CIMAP2: variants seen among roughly 807,000 people sequenced by gnomAD.
CIMAP2 encodes the protein ciliary microtubule associated protein 2.
At chr1:54,806,069 C>T in the CIMAP2 span, 2 of 1,475,478 alleles carry the variant, frequency 1.4e-6, no homozygotes, top group East Asian at 2.7e-5. Context: ...CATCACAAGG[C>T]CCGGGTTGCC....
the CIMAP2 span, chr1:54,811,765 G>GCCGGGGGGGGGGGCCCCCCCCCCCCCCC: frequency 6.9e-6 from 9 of 1,301,314 alleles, no homozygotes; most frequent in Non-Finnish European, 6.5e-6. Context: ...GGTTCTGACA[G>GCCGGGGGGGGGGGCCCCCCCCCCCCCCC]CCTCCATGCC....
chr1:54,819,824 C>CTTTTTCTTTCTTTCTTTCTTTCTTTCTT, the CIMAP2 span, among the ~76,000 whole-genome samples: 18 of 100,208 alleles, frequency 1.8e-4, no homozygotes, highest in East Asian at 4.6e-3. Flanking sequence ...TTCTTTCTTT[C>CTTTTTCTTTCTTTCTTTCTTTCTTTCTT]TCTTTCTTTC....
chr1:54,830,215 C>CTATT, the CIMAP2 span, among the ~76,000 whole-genome samples: 325 of 152,024 alleles, frequency 2.1e-3, 1 homozygote, highest in Admixed American at 7.5e-3. This position sits in a 1 kb window ranked among gnomAD's most constrained non-coding sequence, Gnocchi z 4.1. Flanking sequence ...TTCTTTCTTT[C>CTATT]TATTTATTTA....
At chr1:54,811,765 G>GCCGGGGGGGGGGGGGGCCCCCCCCCCCCC in the CIMAP2 span, 7 of 1,301,316 alleles carry the variant, frequency 5.4e-6, no homozygotes, top group South Asian at 1.2e-5. Flanking sequence ...GGTTCTGACA[G>GCCGGGGGGGGGGGGGGCCCCCCCCCCCCC]CCTCCATGCC....
the CIMAP2 span, chr1:54,817,205 T>G: frequency 6.5e-7 from 1 of 1,549,786 alleles, no homozygotes; most frequent in Non-Finnish European, 8.8e-7. Context: ...TCCCCATGTT[T>G]GGTTCCCATG....
At chr1:54,811,765 G>GCCGGGGGGGGGGGCGCCCCC in the CIMAP2 span, 1 of 1,301,332 alleles carries the variant, frequency 7.7e-7, no homozygotes, top group Non-Finnish European at 1.1e-6. Flanking sequence ...GGTTCTGACA[G>GCCGGGGGGGGGGGCGCCCCC]CCTCCATGCC....
chr1:54,827,034 G>A, the CIMAP2 span, among the ~76,000 whole-genome samples: 5 of 152,368 alleles, frequency 3.3e-5, no homozygotes, highest in South Asian at 1.0e-3. Flanking sequence ...CATCTGCCTT[G>A]TTGAATGGTA....
At chr1:54,819,493 T>C in the CIMAP2 span, among the ~76,000 whole-genome samples, 2 of 152,236 alleles carry the variant, frequency 1.3e-5, no homozygotes, top group African/African-American at 4.8e-5. Flanking sequence ...TGGTCTCCCA[T>C]GTAGCTGCAA....
chr1:54,812,998 C>T, the CIMAP2 span, among the ~76,000 whole-genome samples: 104 of 152,346 alleles, frequency 6.8e-4, 1 homozygote, highest in African/African-American at 2.2e-3. Context: ...CTGAGGCCTT[C>T]GACCTGGCTG....
the CIMAP2 span, chr1:54,811,766 C>CGGGGGGGGGCGCG: frequency 7.7e-7 from 1 of 1,305,190 alleles, no homozygotes; most frequent in Non-Finnish European, 1.1e-6. Context: ...GTTCTGACAG[C>CGGGGGGGGGCGCG]CTCCATGCCC....
At chr1:54,830,849 G>A in the CIMAP2 span, among the ~76,000 whole-genome samples, 1 of 152,106 alleles carries the variant, frequency 6.6e-6, no homozygotes, top group East Asian at 1.9e-4. This position sits in a 1 kb window ranked among gnomAD's most constrained non-coding sequence, Gnocchi z 4.1. Flanking sequence ...GGTCTACCAG[G>A]TTAGTCACCA....
the CIMAP2 span, chr1:54,815,157 C>A: frequency 2.8e-6 from 4 of 1,440,956 alleles, no homozygotes; most frequent in Non-Finnish European, 3.8e-6. Flanking sequence ...CCTCCCCTTT[C>A]TTTTCCCCAA....
chr1:54,833,624 A>G, the CIMAP2 span, among the ~76,000 whole-genome samples: 1 of 152,126 alleles, frequency 6.6e-6, no homozygotes, highest in Non-Finnish European at 1.5e-5. Context: ...AGAGCTGTGT[A>G]TACAGTAGGT....
chr1:54,824,174 A>T, the CIMAP2 span, among the ~76,000 whole-genome samples: 1 of 152,150 alleles, frequency 6.6e-6, no homozygotes, highest in African/African-American at 2.4e-5. Context: ...GGCATGTGCC[A>T]CTATGCCTAG....
the CIMAP2 span, among the ~76,000 whole-genome samples, chr1:54,819,824 C>CTTTCTTTT: frequency 4.4e-4 from 44 of 100,262 alleles, no homozygotes; most frequent in South Asian, 2.1e-3. Flanking sequence ...TTCTTTCTTT[C>CTTTCTTTT]TCTTTCTTTC....
the CIMAP2 span, among the ~76,000 whole-genome samples, chr1:54,833,638 T>G: frequency 1.2e-4 from 18 of 152,258 alleles, no homozygotes; most frequent in African/African-American, 4.1e-4. Context: ...AGTAGGTGCT[T>G]CATAAATGTG....
At chr1:54,806,399 C>A in the CIMAP2 span, among the ~76,000 whole-genome samples, 425 of 152,278 alleles carry the variant, frequency 2.8e-3, 1 homozygote, top group African/African-American at 9.9e-3. Context: ...TTTCTCTCCC[C>A]CTCTTGCTTA....
chr1:54,807,061 C>T, the CIMAP2 span: 1 of 1,614,010 alleles, frequency 6.2e-7, no homozygotes, highest in Non-Finnish European at 8.5e-7. Context: ...GCCCCATACT[C>T]CACGCGTTAT....
chr1:54,827,274 A>G, the CIMAP2 span, among the ~76,000 whole-genome samples: 1 of 152,148 alleles, frequency 6.6e-6, no homozygotes, highest in Non-Finnish European at 1.5e-5. Context: ...ATGTGAGGTG[A>G]GGATTTGGGG....
Sources: allele counts gnomAD v4.1 joint callset (sites outside exome capture counted in the v4.1 genomes callset), GRCh38; gene constraint gnomAD v4.1.1; non-coding constraint Gnocchi (gnomAD v3.1); transcripts MANE v1.5; gene names NCBI Gene and HGNC (gene_info 2026-07-23, HGNC 2026-07-21).